The following ZNF385D variants were observed in gnomAD, a reference collection of about 807,000 sequenced individuals.
ZNF385D encodes zinc finger protein 659.
Under a neutral mutation model 35.8 loss-of-function variants are expected in ZNF385D, and 15 were observed. The observed-to-expected ratio is 0.42, with a 90% CI of 0.28 to 0.64. The LOEUF is 0.64. Ranked by LOEUF, ZNF385D falls within the 30% of genes least tolerant of loss-of-function variation. The probability of loss-of-function intolerance (pLI) is 0.23; values close to 1 mark genes in which losing one functional copy is unlikely to be tolerated. For synonymous variants in ZNF385D, 212 were observed against 186.8 expected (o/e 1.13, Z -1.10); for missense variants, 474 against 494.6 (o/e 0.96, Z 0.39).
At chr3:22,325,938 A>C (rs1354561723) in intron 2 of ZNF385D, among the ~76,000 whole-genome samples, 1 of 151,928 alleles carries the variant, frequency 6.6e-6, no homozygotes, top group African/African-American at 2.4e-5. Flanking sequence ...AATGATCATC[A>C]TTATCCATCT....
chr3:22,340,385 C>T (rs13323229), intron 2 of ZNF385D, among the ~76,000 whole-genome samples: 28,987 of 152,116 alleles, frequency 0.19, 3,262 homozygotes, highest in Non-Finnish European at 0.26. Context: ...GTGGCTCACA[C>T]CTGTAATCTC....
intron 3 of ZNF385D, among the ~76,000 whole-genome samples, chr3:21,766,459 T>G (rs767376466): frequency 6.6e-6 from 1 of 152,112 alleles, no homozygotes; most frequent in Non-Finnish European, 1.5e-5. Flanking sequence ...AGAACACATT[T>G]TAAGGATGAG....
At chr3:22,097,699 T>G (rs1559366623) in intron 3 of ZNF385D, among the ~76,000 whole-genome samples, 1 of 152,028 alleles carries the variant, frequency 6.6e-6, no homozygotes, top group African/African-American at 2.4e-5. Context: ...GAATCATTCC[T>G]GAGAGGATGA....
intron 1 of ZNF385D, among the ~76,000 whole-genome samples, chr3:21,729,865 T>A (rs1186239928): frequency 6.6e-6 from 1 of 152,228 alleles, no homozygotes; most frequent in Non-Finnish European, 1.5e-5. Context: ...CAGATGACTT[T>A]TTATTAAATT....
chr3:21,567,521 A>AC (rs1483732674), intron 2 of ZNF385D, among the ~76,000 whole-genome samples: 2 of 152,156 alleles, frequency 1.3e-5, no homozygotes, highest in Non-Finnish European at 2.9e-5. Flanking sequence ...ATCTATAAAA[A>AC]CAACCACAGA....
intron 3 of ZNF385D, among the ~76,000 whole-genome samples, chr3:22,038,711 T>C (rs1236069808): frequency 1.3e-5 from 2 of 151,942 alleles, no homozygotes; most frequent in African/African-American, 4.8e-5. Flanking sequence ...TATGTTAGCA[T>C]CAAGAATTTT....
chr3:22,337,533 C>CA (rs560881694), intron 2 of ZNF385D, among the ~76,000 whole-genome samples: 129 of 151,364 alleles, frequency 8.5e-4, no homozygotes, highest in Non-Finnish European at 1.5e-3. Context: ...GACTCCTTTT[C>CA]AAAAAAAATA....
In ZNF385D at chr3:22,235,166, A is replaced by G. The variant is rs1699107742; in HGVS notation, c.107-66131T>C. ...CAAAGAATTTAAATATTTTTTCTAT[A>G]TGAATCTGGAATTTTACCCTCAGCC... On this transcript the variant is annotated intron_variant, in intron 2 of 5. Transcript: ENST00000494108. Among the ~76,000 whole-genome samples, 3 of 152,190 alleles carry G rather than the reference A, an allele frequency of 2.0e-5. No homozygotes were observed. The East Asian group carries it at 5.8e-4, about 29-fold the overall frequency.
intron 1 of ZNF385D, among the ~76,000 whole-genome samples, chr3:21,700,670 A>T (rs910820306): frequency 6.6e-6 from 1 of 152,204 alleles, no homozygotes; most frequent in Non-Finnish European, 1.5e-5. Context: ...AGAAAGATAA[A>T]TAAGAATACC....
chr3:21,732,624 C>T (rs1011308474), intron 1 of ZNF385D, among the ~76,000 whole-genome samples: 2 of 152,118 alleles, frequency 1.3e-5, no homozygotes, highest in African/African-American at 2.4e-5. Context: ...TTTTAATTTG[C>T]ATATCTCTAA....
chr3:21,799,218 T>A (rs1224619123), intron 3 of ZNF385D, among the ~76,000 whole-genome samples: 1 of 152,216 alleles, frequency 6.6e-6, no homozygotes, highest in Non-Finnish European at 1.5e-5. Flanking sequence ...GGATGTTGTT[T>A]CCACCTTTTG....
intron 1 of ZNF385D, among the ~76,000 whole-genome samples, chr3:21,681,398 A>T (rs761236915): frequency 2.7e-5 from 4 of 150,268 alleles, no homozygotes; most frequent in Non-Finnish European, 5.9e-5. Flanking sequence ...TGTTTCTGGA[A>T]AGGTAAAGGC....
chr3:21,799,057 C>T (rs1450851174), intron 3 of ZNF385D, among the ~76,000 whole-genome samples: 1 of 152,114 alleles, frequency 6.6e-6, no homozygotes, highest in African/African-American at 2.4e-5. Context: ...CTATACAGTA[C>T]GTGACCTTTT....
chr3:21,707,451 G>A (rs2067947572), intron 1 of ZNF385D, among the ~76,000 whole-genome samples: 1 of 152,136 alleles, frequency 6.6e-6, no homozygotes, highest in South Asian at 2.1e-4. Flanking sequence ...AATTGTCAAT[G>A]CAGATCAAAT....
intron 3 of ZNF385D, among the ~76,000 whole-genome samples, chr3:21,893,415 C>T (rs938747684): frequency 3.9e-5 from 6 of 152,120 alleles, no homozygotes; most frequent in South Asian, 2.1e-4. Context: ...CTCATGTCAT[C>T]GAGCTGTTTT....
chr3:22,019,513 C>T (rs1298178814), intron 3 of ZNF385D, among the ~76,000 whole-genome samples: 1 of 151,804 alleles, frequency 6.6e-6, no homozygotes, highest in Non-Finnish European at 1.5e-5. Flanking sequence ...TAATCATAAC[C>T]TCTATATGCA....
chr3:22,093,325 A>G (rs1342667274), intron 3 of ZNF385D, among the ~76,000 whole-genome samples: 2 of 151,916 alleles, frequency 1.3e-5, no homozygotes, highest in African/African-American at 4.8e-5. Flanking sequence ...TAGACATTTA[A>G]CTACATATGG....
At chr3:22,065,038 T>A (rs1055261037) in intron 3 of ZNF385D, among the ~76,000 whole-genome samples, 4 of 152,228 alleles carry the variant, frequency 2.6e-5, no homozygotes, top group African/African-American at 2.4e-5. Context: ...GTTCAAATCC[T>A]AGTTATGCCA....
chr3:21,676,262 A>G (rs1044835465), intron 1 of ZNF385D, among the ~76,000 whole-genome samples: 3 of 152,232 alleles, frequency 2.0e-5, no homozygotes, highest in African/African-American at 4.8e-5. Context: ...TACAAACTCT[A>G]TAATACCAAA....
Sources: allele counts gnomAD v4.1 joint callset (sites outside exome capture counted in the v4.1 genomes callset), GRCh38; gene constraint gnomAD v4.1.1; transcripts MANE v1.5; gene names NCBI Gene and HGNC (gene_info 2026-07-23, HGNC 2026-07-21).